Variants in PARP14 observed in about 807,000 individuals in gnomAD.
PARP14 encodes poly(ADP-ribose) polymerase family member 14.
PARP14 carries 59 observed loss-of-function variants against 154.2 expected under a neutral mutation model. The ratio of observed to expected loss-of-function variants is 0.38; its 90% CI spans 0.31 to 0.48. PARP14 has a LOEUF of 0.48. PARP14 is among the 20% of genes least tolerant of loss of function. The probability of loss-of-function intolerance (pLI) is 0.98; values close to 1 mark genes in which losing one functional copy is unlikely to be tolerated. For synonymous variants in PARP14, 720 were observed against 780.5 expected (o/e 0.92, Z 1.29); for missense variants, 1,734 against 2,131.6 (o/e 0.81, Z 3.67).
At chr3:122,702,054 A>G (rs1938995863) in intron 6 of PARP14, among the ~76,000 whole-genome samples, 1 of 152,192 alleles carries the variant, frequency 6.6e-6, no homozygotes, top group Admixed American at 6.5e-5. Context: ...ATGCTGAGCA[A>G]GAGTGAGCTT....
rs375771572 is a variant in PARP14 at position 122,700,114 on chromosome 3, A to G, written c.1560A>G (p.Ala520=). The change falls in exon 6 of 17, where the codon GCA becomes GCG. Residue 520 remains alanine (A), a synonymous_variant. Transcript: ENST00000474629. The part of the protein sequence containing the change: ...LKGPSADVYK[A]KCEIQEKVYT... ...GACCTAGTGCAGATGTGTATAAAGCAAAGTGTGAAATCCAGGAAAAGGTGT... is the reference window on the plus strand; with the variant it reads ...GACCTAGTGCAGATGTGTATAAAGCGAAGTGTGAAATCCAGGAAAAGGTGT... The G allele has an allele frequency of 1.2e-6, 2 of 1,613,686 alleles. No homozygotes were observed. The highest frequency in any genetic ancestry group is 8.5e-7 in the Non-Finnish European group (1 of 1,179,778).
intron 9 of PARP14, among the ~76,000 whole-genome samples, chr3:122,709,892 G>GTTTTTTTTT (rs146839683): frequency 6.9e-6 from 1 of 145,632 alleles, no homozygotes; most frequent in African/African-American, 2.5e-5. Context: ...GGGATTATTT[G>GTTTTTTTTT]TTTTTTTTTT....
chr3:122,711,209 T>A lies in PARP14; in HGVS notation c.3620-2215T>A, dbSNP rs557747975. On this transcript the variant is annotated intron_variant, in intron 9 of 16. Coordinates refer to ENST00000474629, the MANE Select transcript of PARP14 (RefSeq NM_017554.3). Reference sequence around the variant, plus strand: ...GTCAACTTTCCCCCATTCAATATGATGTTGGCTGTGGATTTGTCACATATG... The same window carrying A: ...GTCAACTTTCCCCCATTCAATATGAAGTTGGCTGTGGATTTGTCACATATG... Among the ~76,000 whole-genome samples the A allele has an allele frequency of 2.6e-5, 4 of 152,300 alleles. No homozygotes were observed. The East Asian group carries it at 7.7e-4, about 29-fold the overall frequency.
At chr3:122,715,618 CTATCT>C (rs1046148543) in intron 12 of PARP14, among the ~76,000 whole-genome samples, 1 of 129,750 alleles carries the variant, frequency 7.7e-6, no homozygotes, top group African/African-American at 2.5e-5. Context: ...ATCTATCTAT[CTATCT>C]ATCTATCTAT....
chr3:122,718,008 A>G (rs1933040850), intron 12 of PARP14, 63 bp from the exon 13 acceptor site: 2 of 1,252,158 alleles, frequency 1.6e-6, no homozygotes, highest in Admixed American at 1.8e-5. Context: ...ACCCTAATTT[A>G]TTCCTCAGCC....
intron 12 of PARP14, among the ~76,000 whole-genome samples, chr3:122,717,808 T>A (rs1370242883): frequency 6.6e-6 from 1 of 152,300 alleles, no homozygotes; most frequent in Non-Finnish European, 1.5e-5. Flanking sequence ...AGAGTAGATA[T>A]GATTGTCAGA....
intron 15 of PARP14, chr3:122,721,637 AATC>A (rs1324781704): frequency 6.6e-6 from 1 of 152,072 alleles, no homozygotes; most frequent in Non-Finnish European, 1.5e-5. Flanking sequence ...ACTTCTCTAA[AATC>A]TAATGCATCA....
chr3:122,680,958 C>A lies in PARP14; in HGVS notation c.75C>A (p.Thr25=), dbSNP rs778497399. The A allele has an allele frequency of 6.2e-7, 1 of 1,613,552 alleles. No individual in the cohort carries two copies. Residue 25 remains threonine, a synonymous_variant, in exon 1 of 17, where the codon ACC becomes ACA. Coordinates refer to ENST00000474629, the MANE Select transcript of PARP14 (RefSeq NM_017554.3). ...CCGACCCCCCGAAGAACTTGAACAC[C>A]AAGTTGCAGATGTACTTCCAGAGCC... ...WGPDPPKNLN[T]KLQMYFQSPK...
rs905685880 is a variant in PARP14 at position 122,680,938 on chromosome 3, C to T, written c.55C>T (p.Pro19Ser). 3 of 1,612,982 alleles carry T rather than the reference C, an allele frequency of 1.9e-6. No individual in the cohort carries two copies. The highest frequency in any genetic ancestry group is 1.3e-5 in the African/African-American group (1 of 74,852). ...LLVEGSWGPDPPKNLNTKLQM... is the reference protein window; with the variant it reads ...LLVEGSWGPDSPKNLNTKLQM... The stretch of plus-strand genomic sequence containing the variant: ...GGTCGAGGGCTCCTGGGGCCCCGAC[C>T]CCCCGAAGAACTTGAACACCAAGTT... Residue 19 changes from proline to serine, a missense_variant, in exon 1 of 17, where the codon CCC becomes TCC. By Grantham distance (74) the Pro-to-Ser change is moderately conservative. Coordinates refer to ENST00000474629, the MANE Select transcript of PARP14 (RefSeq NM_017554.3).
In PARP14 at chr3:122,692,560, C is replaced by T; in HGVS notation, c.598+17C>T. 1 of 1,592,828 alleles carries T rather than the reference C, an allele frequency of 6.3e-7. No homozygotes were observed. The highest frequency in any genetic ancestry group is 8.6e-7 in the Non-Finnish European group (1 of 1,165,162). On this transcript the variant is annotated intron_variant, in intron 4 of 16. Transcript: ENST00000474629. ...AGCACATAGGTAAGATGAAGTGACA[C>T]TTCCTCTGCCTGTCTTCTTTGTACC...
Position 122,700,265 on chromosome 3 carries a change from G to A in PARP14, c.1711G>A (p.Glu571Lys). ...GAAGATTCTTGCACTTTATGAGCTA[G>A]AGGGTACAACTGTTCTCTTAACCAG... ...AQKILALYEL[E>K]GTTVLLTSCS... The change falls in exon 6 of 17, where the codon GAG becomes AAG. Residue 571 changes from glutamate to lysine, a missense_variant. Glu to Lys is a moderately conservative substitution (Grantham distance 56, BLOSUM62 1). Around this residue, in one of 2 missense-constraint regions of PARP14, gnomAD observed 1,646 missense variants for 1,976.0 expected, o/e 0.83. Coordinates refer to ENST00000474629, the MANE Select transcript of PARP14 (RefSeq NM_017554.3). 6.2e-7 allele frequency: 1 copy of A among 1,613,014 alleles called. No individual in the cohort carries two copies. Among genetic ancestry groups the A allele is most frequent in the Non-Finnish European group, 8.5e-7 (1 of 1,179,348 alleles).
Position 122,681,016 on chromosome 3 carries a change from C to T in PARP14, c.133C>T (p.Arg45Cys). 3 of 1,613,734 alleles carry T rather than the reference C, an allele frequency of 1.9e-6. No homozygotes were observed. In the East Asian group the frequency reaches 6.7e-5, roughly 36 times the overall value. The change falls in exon 1 of 17, where the codon CGC becomes TGC. Residue 45 changes from arginine (R) to cysteine (C), a missense_variant. By Grantham distance (180) the Arg-to-Cys change is radical. Coordinates refer to ENST00000474629, the MANE Select transcript of PARP14 (RefSeq NM_017554.3). This position sits in a 1 kb window ranked among gnomAD's most constrained non-coding sequence, Gnocchi z 5.5. The part of the protein sequence containing the change: ...KRSGGGECEV[R>C]QDPRSPSRFL... ...GTCGGGAGGCGGCGAGTGTGAGGTC[C>T]GCCAGGATCCCAGGAGCCCATCCCG...
At chr3:122,695,179 T>C (rs1938733245) in intron 4 of PARP14, among the ~76,000 whole-genome samples, 1 of 152,052 alleles carries the variant, frequency 6.6e-6, no homozygotes, top group Non-Finnish European at 1.5e-5. Context: ...GTTGGTGAGG[T>C]CTGGGGCAGG....
At chr3:122,715,904 A>T (rs949345041) in intron 12 of PARP14, among the ~76,000 whole-genome samples, 1 of 152,220 alleles carries the variant, frequency 6.6e-6, no homozygotes, top group Non-Finnish European at 1.5e-5. Flanking sequence ...AAATATGTAC[A>T]CATTTGAGCA....
At chr3:122,686,108 T>C (rs139718948) in intron 2 of PARP14, among the ~76,000 whole-genome samples, 112 of 152,354 alleles carry the variant, frequency 7.4e-4, no homozygotes, top group African/African-American at 2.6e-3. Context: ...ACACAGTTCT[T>C]GTTATATATA....
chr3:122,698,161 A>G (rs1938838893), intron 5 of PARP14, among the ~76,000 whole-genome samples: 1 of 152,216 alleles, frequency 6.6e-6, no homozygotes, highest in Admixed American at 6.5e-5. Context: ...CAGGGCTGCC[A>G]CAGGGAAGTT....
intron 3 of PARP14, 108 bp downstream of exon 3, chr3:122,687,221 A>G (rs978582799): frequency 2.6e-6 from 2 of 764,046 alleles, no homozygotes; most frequent in African/African-American, 3.5e-5. Context: ...ACTATGCAGG[A>G]TGTGCTCCGC....
chr3:122,714,505 C>T (rs879180262), intron 12 of PARP14, 76 bp downstream of exon 12: 93 of 1,203,366 alleles, frequency 7.7e-5, no homozygotes, highest in Non-Finnish European at 9.0e-5. Context: ...AGTGTGAATG[C>T]GGTCAGTGCT....
Position 122,704,012 on chromosome 3 carries a change from G to A in PARP14, c.3318+34G>A, listed in dbSNP as rs747923780. 6 of 1,499,828 alleles carry A rather than the reference G, an allele frequency of 4.0e-6. No homozygotes were observed. The African/African-American group carries it at 5.5e-5, about 14-fold the overall frequency. 92.9% of individuals were successfully genotyped at this position (1,499,828 alleles called of 1,614,324 possible). ...TGGTTTTGAATTCTCCATGAAGTTG[G>A]GTAGCCCTTTGGGTTCTCCTTTTAG... is the stretch of plus-strand genomic sequence containing the variant. On this transcript the variant is annotated intron_variant, in intron 7 of 16. Coordinates refer to ENST00000474629, the MANE Select transcript of PARP14 (RefSeq NM_017554.3).
Sources: allele counts gnomAD v4.1 joint callset (sites outside exome capture counted in the v4.1 genomes callset), GRCh38; gene constraint gnomAD v4.1.1; regional missense constraint gnomAD v4.1.1; non-coding constraint Gnocchi (gnomAD v3.1); transcripts MANE v1.5; gene names NCBI Gene and HGNC (gene_info 2026-07-23, HGNC 2026-07-21).